CNTN3: variants seen among roughly 807,000 people sequenced by gnomAD.
The protein encoded by CNTN3 is contactin 3.
CNTN3 carries 60 observed loss-of-function variants against 119.1 expected under a neutral mutation model. That is an observed-to-expected ratio of 0.50 (90% CI 0.41 to 0.62). The LOEUF is 0.62. Among genes scored for constraint, CNTN3 ranks in the 20% least tolerant of loss-of-function variants. The pLI, the probability that CNTN3 is intolerant of heterozygous loss-of-function variation, is 0.00. For missense variants in CNTN3, 1,101 were observed against 1,242.4 expected (o/e 0.89, Z 1.71); for synonymous variants, 450 against 438.7 (o/e 1.03, Z -0.32).
intron 13 of CNTN3, among the ~76,000 whole-genome samples, chr3:74,312,219 C>T (rs187793354): frequency 2.4e-4 from 36 of 151,870 alleles, no homozygotes; most frequent in African/African-American, 8.0e-4. Context: ...TTTGGGAGGC[C>T]GAGGCGGGCA....
chr3:74,311,385 A>C (rs1421815438), intron 13 of CNTN3, among the ~76,000 whole-genome samples: 1 of 152,214 alleles, frequency 6.6e-6, no homozygotes, highest in Non-Finnish European at 1.5e-5. Context: ...GCATGATCTA[A>C]AATTTTAAAG....
chr3:74,594,285 T>A (rs1704755854), intron 1 of CNTN3, among the ~76,000 whole-genome samples: 1 of 149,268 alleles, frequency 6.7e-6, no homozygotes. Context: ...TTTTTTTTTT[T>A]TTTTTACTTT....
chr3:74,481,750 A>C (rs568036811), intron 4 of CNTN3, among the ~76,000 whole-genome samples: 31 of 151,988 alleles, frequency 2.0e-4, no homozygotes, highest in African/African-American at 7.2e-4. Flanking sequence ...GATAAGAGAA[A>C]AATGAATGAA....
rs555650764 is a variant in CNTN3 at position 74,565,828 on chromosome 3, C to T, written c.-80-44636G>A. ...GTATTGACATGGTTTGGCTGTGTCC[C>T]CACCCAAATCTCATTTTGACTTGTA... On this transcript the variant is annotated intron_variant, in intron 1 of 22. Transcript: ENST00000263665. 1.2e-4 allele frequency among the ~76,000 whole-genome samples: 19 copies of T among 152,184 alleles called. No homozygotes were observed. In the South Asian group the frequency reaches 3.9e-3, roughly 32 times the overall value.
At chr3:74,432,770 T>C (rs1701805429) in intron 4 of CNTN3, among the ~76,000 whole-genome samples, 1 of 152,206 alleles carries the variant, frequency 6.6e-6, no homozygotes, top group Admixed American at 6.5e-5. Flanking sequence ...CTTGCTCTAT[T>C]TCCCAACACC....
chr3:74,425,637 C>A lies in CNTN3; in HGVS notation c.359-697G>T, dbSNP rs547749710. ...AAAATAAACATAAATATGACTTTCA[C>A]ATTCACCAGTGATTCACCATATCAT... On this transcript the variant is annotated intron_variant, in intron 4 of 22. Coordinates refer to ENST00000263665, the MANE Select transcript of CNTN3 (RefSeq NM_020872.3). Among the ~76,000 whole-genome samples the A allele has an allele frequency of 1.7e-3, 254 of 152,292 alleles. 2 individuals carry two copies. The highest frequency in any genetic ancestry group is 2.6e-3 in the Non-Finnish European group (180 of 68,010).
Position 74,569,663 on chromosome 3 carries a change from A to G in CNTN3, c.-81+44728T>C, listed in dbSNP as rs150772054. 5.1e-3 allele frequency among the ~76,000 whole-genome samples: 784 copies of G among 152,336 alleles called. 6 individuals carry two copies. The highest frequency in any genetic ancestry group is 0.018 in the African/African-American group (760 of 41,588). On this transcript the variant is annotated intron_variant, in intron 1 of 22. Transcript: ENST00000263665. The stretch of plus-strand genomic sequence containing the variant: ...TTGTGTACTGATTTTCTATTGCTGC[A>G]TAACAAATAACCATGAACTTAGTGG...
At chr3:74,324,015 A>G (rs934841292) in intron 13 of CNTN3, among the ~76,000 whole-genome samples, 1 of 152,196 alleles carries the variant, frequency 6.6e-6, no homozygotes, top group Non-Finnish European at 1.5e-5. Context: ...GAGATTTAAA[A>G]AAAACCATAT....
At chr3:74,554,189 G>A (rs1329652127) in intron 1 of CNTN3, among the ~76,000 whole-genome samples, 3 of 152,080 alleles carry the variant, frequency 2.0e-5, no homozygotes, top group Non-Finnish European at 4.4e-5. Context: ...TTTCCCCATT[G>A]CTTGTTTTTG....
intron 1 of CNTN3, among the ~76,000 whole-genome samples, chr3:74,531,695 A>G (rs1453687272): frequency 6.6e-6 from 1 of 151,988 alleles, no homozygotes; most frequent in Non-Finnish European, 1.5e-5. Context: ...TCTGAAGAAG[A>G]CAAAAGGAAC....
At chr3:74,389,930 G>T (rs6809915) in intron 5 of CNTN3, among the ~76,000 whole-genome samples, 87,406 of 152,016 alleles carry the variant, frequency 0.57, 25,523 homozygotes, top group African/African-American at 0.66. Context: ...AAATAAATAA[G>T]GGGCTCCTGA....
intron 10 of CNTN3, among the ~76,000 whole-genome samples, chr3:74,362,869 G>A (rs1230200375): frequency 3.3e-5 from 5 of 152,112 alleles, no homozygotes; most frequent in South Asian, 2.1e-4. Context: ...ATCATATTAC[G>A]TAATTATACA....
At chr3:74,506,561 T>G (rs541841317) in intron 2 of CNTN3, among the ~76,000 whole-genome samples, 3 of 152,240 alleles carry the variant, frequency 2.0e-5, no homozygotes, top group Non-Finnish European at 4.4e-5. Flanking sequence ...AGCTTTAATG[T>G]TTTTGAACCT....
Position 74,424,907 on chromosome 3 carries a change from G to A in CNTN3, c.392C>T (p.Thr131Ile), listed in dbSNP as rs1701672144. 6.2e-7 allele frequency: 1 copy of A among 1,611,474 alleles called. No individual in the cohort carries two copies. Among genetic ancestry groups the A allele is most frequent in the Non-Finnish European group, 8.5e-7 (1 of 1,179,156 alleles). The change falls in exon 5 of 23, where the codon ACA becomes ATA. Residue 131 changes from threonine to isoleucine, a missense_variant. Thr to Ile is a moderately conservative substitution (Grantham distance 89, BLOSUM62 -1). Transcript: ENST00000263665. ...LENFKTKMRS[T>I]VSVREGQGVV... ...TCCCTGGCCTTCACGCACAGACACT[G>A]TACTCCTCATTTTGGTTTTAAAATT...
At chr3:74,484,916 T>C (rs1255494716) in intron 4 of CNTN3, among the ~76,000 whole-genome samples, 2 of 152,182 alleles carry the variant, frequency 1.3e-5, no homozygotes, top group East Asian at 3.9e-4. Flanking sequence ...ATACTTGAAT[T>C]TTTTAATGTA....
chr3:74,364,844 G>C (rs574422428), intron 9 of CNTN3, among the ~76,000 whole-genome samples: 22 of 152,242 alleles, frequency 1.4e-4, no homozygotes, highest in Non-Finnish European at 2.6e-4. Context: ...TAACAAAGCA[G>C]AGGTAAAATA....
At chr3:74,352,243 T>G (rs1379333059) in intron 11 of CNTN3, among the ~76,000 whole-genome samples, 2 of 152,348 alleles carry the variant, frequency 1.3e-5, no homozygotes, top group East Asian at 3.9e-4. Context: ...CTCTCTTGCT[T>G]TGCTGCATTT....
At chr3:74,581,170 A>G (rs61153201) in intron 1 of CNTN3, among the ~76,000 whole-genome samples, 18,868 of 152,222 alleles carry the variant, frequency 0.12, 1,330 homozygotes, top group East Asian at 0.25. Flanking sequence ...AAAGGCATTC[A>G]GATGGAAAAG....
At chr3:74,493,013 T>A (rs1702996202) in intron 3 of CNTN3, among the ~76,000 whole-genome samples, 1 of 152,124 alleles carries the variant, frequency 6.6e-6, no homozygotes, top group Admixed American at 6.6e-5. Flanking sequence ...ATTACTAACC[T>A]CCGCATAGTC....
Sources: allele counts gnomAD v4.1 joint callset (sites outside exome capture counted in the v4.1 genomes callset), GRCh38; gene constraint gnomAD v4.1.1; transcripts MANE v1.5; gene names NCBI Gene and HGNC (gene_info 2026-07-23, HGNC 2026-07-21).